Variants in ABCC4 observed in about 807,000 individuals in gnomAD.
The protein encoded by ABCC4 is ATP-binding cassette sub-family C member 4.
ABCC4 carries 102 observed loss-of-function variants against 168.5 expected under a neutral mutation model. That is an observed-to-expected ratio of 0.61 (90% CI 0.52 to 0.71). ABCC4 has a LOEUF of 0.71. Ranked by LOEUF, ABCC4 falls within the 30% of genes least tolerant of loss-of-function variation. The pLI is 0.00. For missense variants in ABCC4, 1,402 were observed against 1,605.8 expected, an observed-to-expected ratio of 0.87 and a Z score of 2.17; for synonymous variants, 617 against 590.7, an observed-to-expected ratio of 1.04 and a Z score of -0.65.
intron 6 of ABCC4, among the ~76,000 whole-genome samples, chr13:95,208,647 G>C (rs2038859166): frequency 9.3e-6 from 1 of 107,022 alleles, no homozygotes; most frequent in Non-Finnish European, 1.7e-5. Context: ...TTGAGACAGA[G>C]TCTCACTCTG....
chr13:95,153,740 T>C (rs1338138315), intron 19 of ABCC4, among the ~76,000 whole-genome samples: 2 of 152,206 alleles, frequency 1.3e-5, no homozygotes, highest in Non-Finnish European at 2.9e-5. Context: ...CAGAACATTC[T>C]AGTAGATTAA....
chr13:95,236,633 C>A (rs2039782555), intron 3 of ABCC4, among the ~76,000 whole-genome samples: 1 of 152,180 alleles, frequency 6.6e-6, no homozygotes, highest in African/African-American at 2.4e-5. Context: ...CTCTCTCACA[C>A]ACTTCACCAA....
intron 11 of ABCC4, among the ~76,000 whole-genome samples, chr13:95,185,150 TAAAC>T (rs1283027481): frequency 2.0e-5 from 3 of 151,556 alleles, no homozygotes; most frequent in Non-Finnish European, 1.5e-5. Context: ...ATCAGAAAAA[TAAAC>T]AAAATGAGGA....
At chr13:95,228,702 T>C (rs1355524443) in intron 4 of ABCC4, among the ~76,000 whole-genome samples, 2 of 150,886 alleles carry the variant, frequency 1.3e-5, no homozygotes, top group African/African-American at 4.9e-5. Flanking sequence ...AGGCGGAGGT[T>C]GCAGTGAACT....
chr13:95,294,465 G>C (rs1346668295), intron 1 of ABCC4, among the ~76,000 whole-genome samples: 1 of 152,162 alleles, frequency 6.6e-6, no homozygotes, highest in African/African-American at 2.4e-5. Context: ...CTCCTAGCTG[G>C]ACTTTCACCA....
intron 11 of ABCC4, among the ~76,000 whole-genome samples, chr13:95,179,507 T>G (rs2793821): frequency 0.47 from 70,904 of 152,150 alleles, 17,893 homozygotes; most frequent in African/African-American, 0.66. Flanking sequence ...AGAAATAAGT[T>G]GACAAAGCAT....
At chr13:95,158,038 C>T (rs1284333947) in intron 19 of ABCC4, among the ~76,000 whole-genome samples, 1 of 149,072 alleles carries the variant, frequency 6.7e-6, no homozygotes, top group Non-Finnish European at 1.5e-5. Flanking sequence ...CGCCACTGCA[C>T]TCCAGCCTGG....
intron 26 of ABCC4, 58 bp downstream of exon 26, chr13:95,062,646 C>A: frequency 2.7e-6 from 4 of 1,455,608 alleles, no homozygotes; most frequent in African/African-American, 1.4e-5. Context: ...AGAGTAAAAG[C>A]AATTAAACAT....
chr13:95,129,922 A>T (rs2035903236), intron 19 of ABCC4, among the ~76,000 whole-genome samples: 1 of 152,058 alleles, frequency 6.6e-6, no homozygotes, highest in Non-Finnish European at 1.5e-5. Flanking sequence ...TAAAAATACA[A>T]AACTTATTTG....
At chr13:95,260,003 G>C (rs1307705670) in intron 1 of ABCC4, among the ~76,000 whole-genome samples, 2 of 152,122 alleles carry the variant, frequency 1.3e-5, no homozygotes, top group Non-Finnish European at 2.9e-5. Context: ...TGGACCAGCA[G>C]CACCAGAATC....
intron 30 of ABCC4, among the ~76,000 whole-genome samples, chr13:95,032,965 C>CTTTTTTTTTT (rs74329595): frequency 1.2e-5 from 1 of 86,236 alleles, no homozygotes; most frequent in Non-Finnish European, 2.2e-5. Context: ...CACGCCTGGT[C>CTTTTTTTTTT]TTTTTTTTTT....
chr13:95,104,254 C>CA (rs780658855), intron 20 of ABCC4, among the ~76,000 whole-genome samples: 4 of 152,158 alleles, frequency 2.6e-5, no homozygotes, highest in Admixed American at 6.5e-5. Flanking sequence ...GCTGGGATTA[C>CA]AGGTGTGCAC....
chr13:95,172,827 G>T (rs748380671), intron 13 of ABCC4, among the ~76,000 whole-genome samples: 40 of 152,094 alleles, frequency 2.6e-4, no homozygotes, highest in Non-Finnish European at 5.1e-4. Flanking sequence ...AGCTACTCGG[G>T]AGGATCACTT....
intron 1 of ABCC4, among the ~76,000 whole-genome samples, chr13:95,280,642 CTG>C (rs2041097161): frequency 1.3e-5 from 2 of 149,944 alleles, no homozygotes; most frequent in South Asian, 4.2e-4. Flanking sequence ...TTTTCTGTGT[CTG>C]TGAGACGGCT....
intron 18 of ABCC4, among the ~76,000 whole-genome samples, chr13:95,162,320 T>C: frequency 6.6e-6 from 1 of 152,196 alleles, no homozygotes; most frequent in East Asian, 1.9e-4. Context: ...ACTGAGTAGG[T>C]TCTTACAAAG....
At chr13:95,180,370 A>G (rs896174615) in intron 11 of ABCC4, among the ~76,000 whole-genome samples, 2 of 152,126 alleles carry the variant, frequency 1.3e-5, no homozygotes. Context: ...CCTGGCCAAC[A>G]TGGTGAAACT....
At chr13:95,188,348 T>A in intron 10 of ABCC4, 105 bp downstream of exon 10, 1 of 1,002,268 alleles carries the variant, frequency 1.0e-6, no homozygotes, top group South Asian at 1.3e-5. Context: ...CCGTGCCAAG[T>A]GTACCCAGTT....
At chr13:95,237,996 A>G (rs1594356372) in intron 3 of ABCC4, among the ~76,000 whole-genome samples, 2 of 151,994 alleles carry the variant, frequency 1.3e-5, no homozygotes, top group Non-Finnish European at 2.9e-5. Flanking sequence ...GGAGGTCAAG[A>G]CCAGCCTGGC....
At chr13:95,219,911 A>G (rs2039265489) in intron 4 of ABCC4, among the ~76,000 whole-genome samples, 1 of 146,116 alleles carries the variant, frequency 6.8e-6, no homozygotes, top group South Asian at 2.1e-4. Flanking sequence ...GCTGGAGTGC[A>G]ATGGCATGAT....
Sources: allele counts gnomAD v4.1 joint callset (sites outside exome capture counted in the v4.1 genomes callset), GRCh38; gene constraint gnomAD v4.1.1; transcripts MANE v1.5; gene names NCBI Gene and HGNC (gene_info 2026-07-23, HGNC 2026-07-21).